Variants in NPAS1 observed in about 807,000 individuals in gnomAD.
NPAS1 encodes neuronal PAS domain-containing protein 1.
In NPAS1, 29 loss-of-function variants were observed where a neutral mutation model predicts 49.2. That is an observed-to-expected ratio of 0.59 (90% CI 0.44 to 0.80). The LOEUF (loss-of-function observed/expected upper bound fraction) is 0.80, where lower values mean the gene tolerates loss of function less well. Ranked by LOEUF, NPAS1 falls within the 30% of genes least tolerant of loss-of-function variation. NPAS1 has a pLI of 0.00. For missense variants in NPAS1, 825 were observed against 835.5 expected, an observed-to-expected ratio of 0.99 and a Z score of 0.15; for synonymous variants, 408 against 380.4, an observed-to-expected ratio of 1.07 and a Z score of -0.84.
intron 3 of NPAS1, among the ~76,000 whole-genome samples, chr19:47,026,858 GCAGGAAAATCACGTGAAC>G (rs1018685250): frequency 2.4e-4 from 36 of 152,050 alleles, no homozygotes; most frequent in African/African-American, 8.2e-4. Flanking sequence ...GGAGGATGAG[GCAGGAAAATCACGTGAAC>G]CAGGAGGCAG....
intron 3 of NPAS1, 69 bp from the exon 4 acceptor site, chr19:47,032,209 G>A: frequency 7.0e-7 from 1 of 1,425,934 alleles, no homozygotes. Flanking sequence ...TTTGTAGACT[G>A]GCTCCCGGGG....
chr19:47,038,764 T>C (rs978328660), intron 6 of NPAS1, among the ~76,000 whole-genome samples: 1 of 151,808 alleles, frequency 6.6e-6, no homozygotes, highest in Admixed American at 6.6e-5. Context: ...GAGGCGGAGG[T>C]TGCAGTGAGC....
At chr19:47,031,681 C>T (rs2056906849) in intron 3 of NPAS1, among the ~76,000 whole-genome samples, 1 of 151,730 alleles carries the variant, frequency 6.6e-6, no homozygotes, top group African/African-American at 2.4e-5. Context: ...CAGGCGCCCA[C>T]CTCCACACCC....
In NPAS1 at chr19:47,045,644, G is replaced by T. The variant is rs544002864; in HGVS notation, c.1766G>T (p.Gly589Val). ...GPAGTRLPRK[G>V]D ...GCGGGCACCAGGCTGCCGCGGAAGGGGGACTGAGGACTGGCAGAGCTGCCG... is the reference window on the plus strand; with the variant it reads ...GCGGGCACCAGGCTGCCGCGGAAGGTGGACTGAGGACTGGCAGAGCTGCCG... Residue 589 changes from glycine to valine, a missense_variant, in exon 12 of 12, where the codon GGG (glycine) becomes GTG (valine). Gly to Val is a moderately radical substitution (Grantham distance 109). Transcript: ENST00000602212. 4.9e-6 allele frequency: 7 copies of T among 1,418,926 alleles called. No homozygotes were observed. In the East Asian group the frequency reaches 1.9e-4, roughly 39 times the overall value. 87.9% of individuals were successfully genotyped at this position (1,418,926 alleles called of 1,614,324 possible). A position where few individuals can be genotyped will look rare whatever the true frequency, so the allele number is the denominator to read the frequency against.
intron 4 of NPAS1, 124 bp from the exon 5 acceptor site, chr19:47,032,519 C>A: frequency 9.1e-7 from 1 of 1,101,724 alleles, no homozygotes; most frequent in Admixed American, 1.8e-5. Flanking sequence ...CACTGAAGCC[C>A]CCTCCCCACC....
At chr19:47,025,520 C>T (rs1023104667) in intron 3 of NPAS1, among the ~76,000 whole-genome samples, 13 of 151,574 alleles carry the variant, frequency 8.6e-5, no homozygotes, top group East Asian at 5.9e-4. Flanking sequence ...TCAGGTGATC[C>T]GCCTGCCGCA....
intron 3 of NPAS1, among the ~76,000 whole-genome samples, 163 bp from the exon 4 acceptor site, chr19:47,032,115 T>C (rs2056909535): frequency 6.6e-6 from 1 of 152,112 alleles, no homozygotes. Flanking sequence ...CCCACCCACC[T>C]GTGTGTCCCA....
chr19:47,041,050 AGTCT>A lies in NPAS1; in HGVS notation c.1145_1148del (p.Ser382TrpfsTer121), dbSNP rs1486271879. On this transcript the variant is annotated frameshift_variant, in exon 10 of 12. Coordinates refer to ENST00000602212, the MANE Select transcript of NPAS1 (RefSeq NM_002517.4). LOFTEE classifies it high-confidence loss of function. Reference sequence around the variant, plus strand: ...CGTGCCGGGGGCTTCGTGTGGCTGCAGTCTGTGGCCACAGTGGCTGGGAGCGGGA... The same window carrying A: ...CGTGCCGGGGGCTTCGTGTGGCTGCAGTGGCCACAGTGGCTGGGAGCGGGA... 1 of 1,588,846 alleles carries A rather than the reference AGTCT, an allele frequency of 6.3e-7. No homozygotes were observed. Among genetic ancestry groups the A allele is most frequent in the Non-Finnish European group, 8.5e-7 (1 of 1,170,250 alleles).
Position 47,040,915 on chromosome 19 carries a change from GCT to G in NPAS1, c.1070-58_1070-57del, listed in dbSNP as rs2057013642. ...CCTCCTGTCTCCTCCTGTCTACCTG[GCT>G]CTCTGTCTTGCCCCTGTCCCCACCC... is the stretch of plus-strand genomic sequence containing the variant. On this transcript the variant is annotated intron_variant, in intron 9 of 11. Coordinates refer to ENST00000602212, the MANE Select transcript of NPAS1 (RefSeq NM_002517.4). 5 of 1,351,336 alleles carry G rather than the reference GCT, an allele frequency of 3.7e-6. No homozygotes were observed. The Admixed American group carries it at 9.0e-5, about 24-fold the overall frequency. The allele number at this position is 1,351,336 out of a possible 1,614,324, so 83.7% of individuals were successfully genotyped here.
intron 5 of NPAS1, among the ~76,000 whole-genome samples, chr19:47,034,414 A>G (rs2122497955): frequency 6.6e-6 from 1 of 152,136 alleles, no homozygotes; most frequent in East Asian, 1.9e-4. Context: ...TCCCTCCAAT[A>G]CAAATTGCTA....
rs141717436 is a variant in NPAS1 at position 47,029,379 on chromosome 19, C to T, written c.359-2899C>T. Among the ~76,000 whole-genome samples, 460 of 143,972 alleles carry T rather than the reference C, an allele frequency of 3.2e-3. 2 individuals are homozygous for T. Among genetic ancestry groups the T allele is most frequent in the African/African-American group, 0.011 (436 of 38,926 alleles). The allele number at this position is 143,972 out of a possible 152,430, so 94.5% of individuals were successfully genotyped here. ...GATTATAGGCGTGAGCCACTGCACC[C>T]GGCCTTAGTATTTTTATTTATTATT... On this transcript the variant is annotated intron_variant, in intron 3 of 11. Coordinates refer to ENST00000602212, the MANE Select transcript of NPAS1 (RefSeq NM_002517.4).
intron 5 of NPAS1, among the ~76,000 whole-genome samples, chr19:47,033,616 G>A (rs181064141): frequency 1.4e-4 from 22 of 152,172 alleles, no homozygotes; most frequent in Admixed American, 9.8e-4. Flanking sequence ...AATGACTGGC[G>A]GGCCAGATGC....
At chr19:47,039,245 C>A in intron 7 of NPAS1, 94 bp downstream of exon 7, 1 of 1,454,952 alleles carries the variant, frequency 6.9e-7, no homozygotes, top group Non-Finnish European at 9.3e-7. Flanking sequence ...TCACTGGCTG[C>A]AGGTGGCTTA....
chr19:47,031,349 C>T (rs576509282), intron 3 of NPAS1, among the ~76,000 whole-genome samples: 50 of 151,950 alleles, frequency 3.3e-4, no homozygotes, highest in African/African-American at 1.2e-3. Context: ...AGGCCCACGC[C>T]ACCATGCCCA....
intron 8 of NPAS1, 100 bp from the exon 9 acceptor site, chr19:47,040,344 T>C: frequency 1.4e-6 from 1 of 736,096 alleles, no homozygotes; most frequent in South Asian, 1.8e-5. Context: ...GCACCCATTT[T>C]ACAGCAAGGG....
At chr19:47,028,084 C>A (rs1471258864) in intron 3 of NPAS1, among the ~76,000 whole-genome samples, 7 of 151,922 alleles carry the variant, frequency 4.6e-5, no homozygotes, top group South Asian at 2.1e-4. Flanking sequence ...CCCAAGCCCC[C>A]CCACCACCAC....
At chr19:47,025,264 A>C (rs2056864139) in intron 3 of NPAS1, among the ~76,000 whole-genome samples, 3 of 134,180 alleles carry the variant, frequency 2.2e-5, no homozygotes, top group Middle Eastern at 3.5e-3. Flanking sequence ...CAGTTGAGGG[A>C]AGGAGGGGTG....
At chr19:47,032,431 A>T in intron 4 of NPAS1, 80 bp downstream of exon 4, 3 of 1,460,480 alleles carry the variant, frequency 2.1e-6, no homozygotes, top group Non-Finnish European at 2.9e-6. Context: ...CCTCTTCAGC[A>T]TCCATCTATT....
intron 5 of NPAS1, 102 bp from the exon 6 acceptor site, chr19:47,035,862 C>T: frequency 8.3e-7 from 1 of 1,208,114 alleles, no homozygotes. Flanking sequence ...GCATGAAGCG[C>T]ACCTGCGTGC....
Sources: allele counts gnomAD v4.1 joint callset (sites outside exome capture counted in the v4.1 genomes callset), GRCh38; gene constraint gnomAD v4.1.1; transcripts MANE v1.5; gene names NCBI Gene and HGNC (gene_info 2026-07-23, HGNC 2026-07-21).